MFSD2A: variants seen among roughly 807,000 people sequenced by gnomAD.
The protein encoded by MFSD2A is sodium-dependent lysophosphatidylcholine symporter 1.
A neutral mutation model predicts 64.7 loss-of-function variants in MFSD2A; 27 were observed. The observed-to-expected ratio is 0.42, with a 90% confidence interval of 0.31 to 0.58. The LOEUF is 0.58. Ranked by LOEUF, MFSD2A falls within the 20% of genes least tolerant of loss-of-function variation. The probability of loss-of-function intolerance (pLI) is 0.18; values close to 1 mark genes in which losing one functional copy is unlikely to be tolerated. For synonymous variants in MFSD2A, 258 were observed against 273.4 expected (o/e 0.94, Z 0.55); for missense variants, 474 against 679.5 (o/e 0.70, Z 3.36).
Position 39,960,675 on chromosome 1 carries a change from A to G in MFSD2A, c.353+1850A>G, listed in dbSNP as rs1472207126. Among the ~76,000 whole-genome samples, 1 of 152,270 alleles carries G rather than the reference A, an allele frequency of 6.6e-6. No homozygotes were observed. Among genetic ancestry groups the G allele is most frequent in the East Asian group, 1.9e-4 (1 of 5,198 alleles). ...CTGGGTTCCTCAGCAGCAGCTGCTC[A>G]GCTGCTTATGAGCAGAGGATGGAGT... On this transcript the variant is annotated intron_variant, in intron 3 of 13. Coordinates refer to ENST00000372811, the MANE Select transcript of MFSD2A (RefSeq NM_032793.5). The surrounding 1 kb of genome is among the most constrained non-coding windows in gnomAD (Gnocchi z 4.8).
intron 9 of MFSD2A, chr1:39,967,390 C>T (rs1431365137): frequency 1.9e-5 from 12 of 625,746 alleles, no homozygotes; most frequent in South Asian, 3.9e-5. Flanking sequence ...AAAGCAAGGG[C>T]GAGGACACCA....
At position 39,964,866 on chromosome 1, in the gene MFSD2A, G is replaced by C; in HGVS notation, c.354-345G>C. The C allele has an allele frequency of 3.0e-6, 1 of 330,012 alleles. No homozygotes were observed. The highest frequency in any genetic ancestry group is 5.7e-6 in the Non-Finnish European group (1 of 174,356). 20.4% of individuals were successfully genotyped at this position (330,012 alleles called of 1,614,324 possible). ...TCCGTGTGAGAACACGGGAGTTGGG[G>C]CTGCTCCTTCTCTTTGCCTCCTTGC... On this transcript the variant is annotated intron_variant, in intron 3 of 13. Coordinates refer to ENST00000372811, the MANE Select transcript of MFSD2A (RefSeq NM_032793.5). The surrounding 1 kb of genome is among the most constrained non-coding windows in gnomAD (Gnocchi z 4.1).
Position 39,965,366 on chromosome 1 carries a change from A to T in MFSD2A, c.477+32A>T. On this transcript the variant is annotated intron_variant, in intron 4 of 13. Transcript: ENST00000372811. This position sits in a 1 kb window ranked among gnomAD's most constrained non-coding sequence, Gnocchi z 5.5. ...GTGGGTACCTCCCTTGGGTGTCTCT[A>T]GGGGCCGGGAGGAGGGCGGTCCTTG... The T allele has an allele frequency of 6.2e-7, 1 of 1,613,608 alleles. No homozygotes were observed. Among genetic ancestry groups the T allele is most frequent in the Non-Finnish European group, 8.5e-7 (1 of 1,179,798 alleles).
chr1:39,955,525 G>A lies in MFSD2A; in HGVS notation c.93+140G>A, dbSNP rs553858308. 1.1e-6 allele frequency: 1 copy of A among 944,616 alleles called. No homozygotes were observed. Among genetic ancestry groups the A allele is most frequent in the East Asian group, 2.6e-5 (1 of 37,784 alleles). The allele number at this position is 944,616 out of a possible 1,614,324, so 58.5% of individuals were successfully genotyped here. ...GAAGCCTACGAGCCAGAGAGGACCT[G>A]GGGGTGCCCTGGGACAGGGGGTGAC... On this transcript the variant is annotated intron_variant, in intron 1 of 13. Transcript: ENST00000372811. The surrounding 1 kb of genome is among the most constrained non-coding windows in gnomAD (Gnocchi z 5.9).
At chr1:39,957,326 C>A in intron 2 of MFSD2A, 105 bp downstream of exon 2, 1 of 1,193,422 alleles carries the variant, frequency 8.4e-7, no homozygotes, top group Admixed American at 2.5e-5. Flanking sequence ...GAAATGGGAC[C>A]CCAAATCACT....
rs1645143179 is a variant in MFSD2A at position 39,965,588 on chromosome 1, AC to A, written c.556+42del. On this transcript the variant is annotated intron_variant, in intron 5 of 13. Coordinates refer to ENST00000372811, the MANE Select transcript of MFSD2A (RefSeq NM_032793.5). The surrounding 1 kb of genome is among the most constrained non-coding windows in gnomAD (Gnocchi z 5.5). ...GCCCACCTGACCCCACCCTCCAGGG[AC>A]CCTCCAGCCATACTTCTTCCCTTGC... The A allele has an allele frequency of 1.3e-6, 2 of 1,594,486 alleles. No individual in the cohort carries two copies. Among genetic ancestry groups the A allele is most frequent in the African/African-American group, 2.7e-5 (2 of 74,408 alleles).
Position 39,963,797 on chromosome 1 carries a change from C to A in MFSD2A, c.354-1414C>A, listed in dbSNP as rs1316545097. Among the ~76,000 whole-genome samples, 1 of 152,152 alleles carries A rather than the reference C, an allele frequency of 6.6e-6. No homozygotes were observed. The highest frequency in any genetic ancestry group is 1.5e-5 in the Non-Finnish European group (1 of 68,024). ...GTCACCAGGCTGGAGTGCAGTGGTGCGATCTCGGCTCACTGCAACCTCTGC... is the reference window on the plus strand; with the variant it reads ...GTCACCAGGCTGGAGTGCAGTGGTGAGATCTCGGCTCACTGCAACCTCTGC... On this transcript the variant is annotated intron_variant, in intron 3 of 13. Coordinates refer to ENST00000372811, the MANE Select transcript of MFSD2A (RefSeq NM_032793.5). This position sits in a 1 kb window ranked among gnomAD's most constrained non-coding sequence, Gnocchi z 4.2.
At position 39,969,593 on chromosome 1, in the gene MFSD2A, C is replaced by G. The variant is rs932945206; in HGVS notation, c.*25C>G. ...GGGCCCGCCACGTTGCCCGAAGCCA[C>G]CATGCAGAAGGCCACAGAAGGGATC... is the stretch of plus-strand genomic sequence containing the variant. On this transcript the variant is annotated 3_prime_UTR_variant, in exon 14 of 14. Transcript: ENST00000372811. 6.2e-7 allele frequency: 1 copy of G among 1,606,600 alleles called. No individual in the cohort carries two copies. The highest frequency in any genetic ancestry group is 1.3e-5 in the African/African-American group (1 of 74,596).
Position 39,965,658 on chromosome 1 carries a change from A to G in MFSD2A, c.556+109A>G. 7.6e-7 allele frequency: 1 copy of G among 1,311,304 alleles called. No homozygotes were observed. 81.2% of individuals were successfully genotyped at this position (1,311,304 alleles called of 1,614,324 possible). A position where few individuals can be genotyped will look rare whatever the true frequency, so the allele number is the denominator to read the frequency against. ...TGCTCTAGAGTGTGGGTGTGAAACC[A>G]TCTTAAAAATAACTCAATCCCCTTA... On this transcript the variant is annotated intron_variant, in intron 5 of 13. Coordinates refer to ENST00000372811, the MANE Select transcript of MFSD2A (RefSeq NM_032793.5). The surrounding 1 kb of genome is among the most constrained non-coding windows in gnomAD (Gnocchi z 5.5).
In MFSD2A at chr1:39,965,301, G is replaced by A; in HGVS notation, c.444G>A (p.Leu148=). 6.2e-7 allele frequency: 1 copy of A among 1,614,108 alleles called. No homozygotes were observed. The highest frequency in any genetic ancestry group is 8.5e-7 in the Non-Finnish European group (1 of 1,180,020). Residue 148 remains leucine (L), a synonymous_variant, in exon 4 of 14, where the codon CTG becomes CTA. Transcript: ENST00000372811. This position sits in a 1 kb window ranked among gnomAD's most constrained non-coding sequence, Gnocchi z 5.5. ...CACACGGCCAGACCTATTGGTACCT[G>A]CTTTTCTATTGCCTCTTTGAAACAA... ...DFPHGQTYWY[L]LFYCLFETMV...
In MFSD2A at chr1:39,965,165, C is replaced by G; in HGVS notation, c.354-46C>G. The G allele has an allele frequency of 6.2e-7, 1 of 1,611,450 alleles. No individual in the cohort carries two copies. Among genetic ancestry groups the G allele is most frequent in the Non-Finnish European group, 8.5e-7 (1 of 1,179,188 alleles). ...ACAGCAGACTGGGCTGGGCCTGGTC[C>G]TGGGCTCCAGCCTCCAGCCTCCACT... On this transcript the variant is annotated intron_variant, in intron 3 of 13. Coordinates refer to ENST00000372811, the MANE Select transcript of MFSD2A (RefSeq NM_032793.5). This position sits in a 1 kb window ranked among gnomAD's most constrained non-coding sequence, Gnocchi z 5.5.
In MFSD2A at chr1:39,955,701, A is replaced by G; in HGVS notation, c.93+316A>G. On this transcript the variant is annotated intron_variant, in intron 1 of 13. Transcript: ENST00000372811. The surrounding 1 kb of genome is among the most constrained non-coding windows in gnomAD (Gnocchi z 5.9). ...GAGCGGCTGGGGCTTGCCGCCCCAA[A>G]CCCCAGAGATGACCCCAGAAATCTG... 1.7e-6 allele frequency: 1 copy of G among 585,746 alleles called. No homozygotes were observed. The allele number at this position is 585,746 out of a possible 1,614,324, so 36.3% of individuals were successfully genotyped here.
In MFSD2A at chr1:39,965,139, C is replaced by A. The variant is rs904753588; in HGVS notation, c.354-72C>A. On this transcript the variant is annotated intron_variant, in intron 3 of 13. Transcript: ENST00000372811. This position sits in a 1 kb window ranked among gnomAD's most constrained non-coding sequence, Gnocchi z 5.5. ...CCTTCCCTGTGGGGACCCTGTGAGG[C>A]ACAGCAGACTGGGCTGGGCCTGGTC... 2.5e-6 allele frequency: 4 copies of A among 1,596,914 alleles called. No individual in the cohort carries two copies. Among genetic ancestry groups the A allele is most frequent in the Non-Finnish European group, 3.4e-6 (4 of 1,170,354 alleles).
chr1:39,955,828 T>G lies in MFSD2A; in HGVS notation c.93+443T>G, dbSNP rs1452208825. On this transcript the variant is annotated intron_variant, in intron 1 of 13. Coordinates refer to ENST00000372811, the MANE Select transcript of MFSD2A (RefSeq NM_032793.5). This position sits in a 1 kb window ranked among gnomAD's most constrained non-coding sequence, Gnocchi z 5.9. ...TGTTAGGGCCGCTCAAGTTCATTCA[T>G]AAGAACAAGAGCTCTGCTCTTAAAG... 1 of 332,696 alleles carries G rather than the reference T, an allele frequency of 3.0e-6. No individual in the cohort carries two copies. The highest frequency in any genetic ancestry group is 6.0e-6 in the Non-Finnish European group (1 of 167,768). 20.6% of individuals were successfully genotyped at this position (332,696 alleles called of 1,614,324 possible). A position where few individuals can be genotyped will look rare whatever the true frequency, so the allele number is the denominator to read the frequency against.
At position 39,958,543 on chromosome 1, in the gene MFSD2A, TAAC is replaced by T; in HGVS notation, c.229-155_229-153del. The T allele has an allele frequency of 9.0e-7, 1 of 1,112,288 alleles. No homozygotes were observed. The highest frequency in any genetic ancestry group is 1.3e-6 in the Non-Finnish European group (1 of 749,864). 68.9% of individuals were successfully genotyped at this position (1,112,288 alleles called of 1,614,324 possible). On this transcript the variant is annotated intron_variant, in intron 2 of 13. Transcript: ENST00000372811. The surrounding 1 kb of genome is among the most constrained non-coding windows in gnomAD (Gnocchi z 4.7). ...ATTGGAGAAATGCTATTGTCATTAT[TAAC>T]AAGGCAAGTGAAGATGTGTAAGGTC... is the stretch of plus-strand genomic sequence containing the variant.
At chr1:39,966,318 C>T (rs953253155) in intron 6 of MFSD2A, among the ~76,000 whole-genome samples, 1 of 152,052 alleles carries the variant, frequency 6.6e-6, no homozygotes, top group Non-Finnish European at 1.5e-5. Flanking sequence ...TTTGTAGAGA[C>T]GGGGTCTTGC....
rs765910564 is a variant in MFSD2A, at chr1:39,967,609, C to T, written c.1012-19C>T. The T allele has an allele frequency of 1.9e-6, 3 of 1,612,570 alleles. No individual in the cohort carries two copies. Among genetic ancestry groups the T allele is most frequent in the Non-Finnish European group, 1.7e-6 (2 of 1,178,804 alleles). Reference sequence around the variant, plus strand: ...TGGCTCTAAAGCACCTCCCTTTAACCCCCTTTGTCCATCCACAGCTCTCGG... The same window carrying T: ...TGGCTCTAAAGCACCTCCCTTTAACTCCCTTTGTCCATCCACAGCTCTCGG... On this transcript the variant is annotated intron_variant, in intron 9 of 13. Transcript: ENST00000372811.
rs757186722 is a variant in MFSD2A, at chr1:39,963,460, C to T, written c.354-1751C>T. 25 of 541,796 alleles carry T rather than the reference C, an allele frequency of 4.6e-5. No individual in the cohort carries two copies. Among genetic ancestry groups the T allele is most frequent in the Admixed American group, 1.0e-4 (3 of 29,968 alleles). 33.6% of individuals were successfully genotyped at this position (541,796 alleles called of 1,614,324 possible). On this transcript the variant is annotated intron_variant, in intron 3 of 13. Coordinates refer to ENST00000372811, the MANE Select transcript of MFSD2A (RefSeq NM_032793.5). This position sits in a 1 kb window ranked among gnomAD's most constrained non-coding sequence, Gnocchi z 4.2. ...AAGCCTGTTAAAAAAAAAATGTTTA[C>T]GAGACAGAGTCTTGCTATGTTGCAC... is the stretch of plus-strand genomic sequence containing the variant.
intron 8 of MFSD2A, 63 bp from the exon 9 acceptor site, chr1:39,967,023 G>A: frequency 6.2e-7 from 1 of 1,610,892 alleles, no homozygotes; most frequent in Non-Finnish European, 8.5e-7. Context: ...ATGTCTTGGG[G>A]AGGCTCAGCC....
Sources: gnomAD v4.1 joint callset for allele counts (sites outside exome capture counted in the v4.1 genomes callset) on GRCh38, gnomAD v4.1.1 for gene constraint, Gnocchi (gnomAD v3.1) non-coding constraint, MANE v1.5 for transcripts, NCBI Gene and HGNC (gene_info 2026-07-23, HGNC 2026-07-21) for gene names.